Variants in TMEM62 observed in about 807,000 individuals in gnomAD.
The protein encoded by TMEM62 is transmembrane protein 62.
TMEM62 carries 41 observed loss-of-function variants against 70.4 expected under a neutral mutation model. The observed-to-expected ratio is 0.58, with a 90% confidence interval of 0.45 to 0.76. The LOEUF (loss-of-function observed/expected upper bound fraction) is 0.76, where lower values mean the gene tolerates loss of function less well. Ranked by LOEUF, TMEM62 falls within the 30% of genes least tolerant of loss-of-function variation. TMEM62 has a pLI of 0.00. For missense variants in TMEM62, 688 were observed against 788.5 expected, an observed-to-expected ratio of 0.87 and a Z score of 1.53; for synonymous variants, 268 against 291.0, an observed-to-expected ratio of 0.92 and a Z score of 0.80.
intron 8 of TMEM62, among the ~76,000 whole-genome samples, chr15:43,153,215 CTT>C (rs559495777): frequency 3.3e-3 from 498 of 150,816 alleles, no homozygotes; most frequent in African/African-American, 0.012. Flanking sequence ...TGCTCAATCC[CTT>C]TTTTTTTGGA....
intron 4 of TMEM62, among the ~76,000 whole-genome samples, chr15:43,145,457 G>A (rs1471819813): frequency 6.6e-6 from 1 of 151,964 alleles, no homozygotes; most frequent in South Asian, 2.1e-4. Flanking sequence ...CGCCTACCTC[G>A]GCCTTCCAAA....
At chr15:43,150,854 C>T (rs2037277195) in intron 7 of TMEM62, among the ~76,000 whole-genome samples, 1 of 152,188 alleles carries the variant, frequency 6.6e-6, no homozygotes, top group African/African-American at 2.4e-5. Context: ...AACCTGATAC[C>T]AGGAGACTGG....
intron 3 of TMEM62, 23 bp from the exon 4 acceptor site, chr15:43,138,551 C>CT (rs376908713): frequency 0.044 from 55,737 of 1,276,028 alleles, 20 homozygotes; most frequent in Non-Finnish European, 0.047. Context: ...TGAATGTTTG[C>CT]TTTTTTTTTT....
intron 11 of TMEM62, among the ~76,000 whole-genome samples, chr15:43,172,946 G>A (rs1260410719): frequency 6.6e-6 from 1 of 152,126 alleles, no homozygotes; most frequent in Non-Finnish European, 1.5e-5. Flanking sequence ...CATTAATTCA[G>A]GCCAGGTGCA....
chr15:43,178,825 T>C, intron 12 of TMEM62, 114 bp downstream of exon 12: 1 of 559,838 alleles, frequency 1.8e-6, no homozygotes, highest in Non-Finnish European at 3.0e-6. Flanking sequence ...TCTTCATAAA[T>C]CATTTTCTGG....
chr15:43,160,517 C>G (rs959257284), intron 9 of TMEM62, 164 bp from the exon 10 acceptor site: 5 of 558,746 alleles, frequency 8.9e-6, no homozygotes, highest in Non-Finnish European at 1.6e-5. Context: ...TGCACGCCAG[C>G]CTGGACAACA....
chr15:43,170,982 C>T lies in TMEM62; in HGVS notation c.1381+1305C>T, dbSNP rs933176258. Reference sequence around the variant, plus strand: ...AAACACTGGCCTATAAACTCTAAAGCTGCAGTTCAGAAGATGCTTGAAAAT... The same window carrying T: ...AAACACTGGCCTATAAACTCTAAAGTTGCAGTTCAGAAGATGCTTGAAAAT... On this transcript the variant is annotated intron_variant, in intron 11 of 13. Coordinates refer to ENST00000260403, the MANE Select transcript of TMEM62 (RefSeq NM_024956.4). Among the ~76,000 whole-genome samples the T allele has an allele frequency of 2.0e-5, 3 of 152,306 alleles. No individual in the cohort carries two copies. In the East Asian group the frequency reaches 5.8e-4, roughly 29 times the overall value.
At chr15:43,175,336 C>A (rs2040611004) in intron 11 of TMEM62, among the ~76,000 whole-genome samples, 1 of 152,310 alleles carries the variant, frequency 6.6e-6, no homozygotes, top group East Asian at 1.9e-4. Context: ...AATGAATGTG[C>A]TGGTCTTTTA....
chr15:43,135,346 T>C (rs1277240571), intron 2 of TMEM62, among the ~76,000 whole-genome samples, 166 bp from the exon 3 acceptor site: 1 of 152,214 alleles, frequency 6.6e-6, no homozygotes, highest in Non-Finnish European at 1.5e-5. Context: ...GAAAATCTTG[T>C]TAGTTTAGAT....
At chr15:43,174,270 G>C (rs996913160) in intron 11 of TMEM62, among the ~76,000 whole-genome samples, 34 of 152,168 alleles carry the variant, frequency 2.2e-4, no homozygotes, top group African/African-American at 7.7e-4. Flanking sequence ...AAATTTTCCT[G>C]ATCCCTTCTT....
chr15:43,180,182 G>A (rs1419680762), intron 12 of TMEM62, among the ~76,000 whole-genome samples: 1 of 152,038 alleles, frequency 6.6e-6, no homozygotes. Context: ...GAGTACAGTG[G>A]TGCAATCTTG....
intron 11 of TMEM62, among the ~76,000 whole-genome samples, chr15:43,170,297 A>C (rs2040049626): frequency 1.3e-5 from 2 of 152,188 alleles, no homozygotes; most frequent in Non-Finnish European, 2.9e-5. Flanking sequence ...GTGGCTGAGA[A>C]CTCAATTTTT....
At chr15:43,138,367 A>G (rs1408173243) in intron 3 of TMEM62, among the ~76,000 whole-genome samples, 1 of 152,066 alleles carries the variant, frequency 6.6e-6, no homozygotes, top group Non-Finnish European at 1.5e-5. Context: ...ACTGAAACCC[A>G]TGGCAATAAT....
chr15:43,134,947 T>G (rs1454278174), intron 2 of TMEM62, among the ~76,000 whole-genome samples: 2 of 152,186 alleles, frequency 1.3e-5, no homozygotes, highest in Non-Finnish European at 1.5e-5. Flanking sequence ...AATTCATCAC[T>G]CATCCACCTT....
intron 9 of TMEM62, among the ~76,000 whole-genome samples, chr15:43,156,503 G>T (rs1158291252): frequency 6.6e-6 from 1 of 152,108 alleles, no homozygotes; most frequent in Non-Finnish European, 1.5e-5. Context: ...GAGACTTGAA[G>T]GTTCATGTGC....
chr15:43,169,803 C>T, intron 11 of TMEM62, 126 bp downstream of exon 11: 1 of 735,294 alleles, frequency 1.4e-6, no homozygotes, highest in Non-Finnish European at 2.2e-6. Flanking sequence ...AACACAAACT[C>T]AAGAAGCCTT....
At chr15:43,173,312 C>T (rs1234617843) in intron 11 of TMEM62, among the ~76,000 whole-genome samples, 1 of 152,238 alleles carries the variant, frequency 6.6e-6, no homozygotes, top group Non-Finnish European at 1.5e-5. Flanking sequence ...CTAACTGCTG[C>T]TCTTATATCC....
rs1225270437 is a variant in TMEM62, at chr15:43,133,831, T to TCGCGGGGTTGGCGGC, written c.33_47dup (p.Gly12_Ala16dup). 7 of 1,453,810 alleles carry TCGCGGGGTTGGCGGC rather than the reference T, an allele frequency of 4.8e-6. No individual in the cohort carries two copies. The Admixed American group carries it at 1.0e-4, about 21-fold the overall frequency. 90.1% of individuals were successfully genotyped at this position (1,453,810 alleles called of 1,614,324 possible). On this transcript the variant is annotated inframe_insertion, in exon 1 of 14. Coordinates refer to ENST00000260403, the MANE Select transcript of TMEM62 (RefSeq NM_024956.4). Reference sequence around the variant, plus strand: ...GCTGCAGTGCTGGCTCTCAGGGTGGTCGCGGGGTTGGCGGCCGCAGCGCTG... The same window carrying TCGCGGGGTTGGCGGC: ...GCTGCAGTGCTGGCTCTCAGGGTGGTCGCGGGGTTGGCGGCCGCGGGGTTGGCGGCCGCAGCGCTG...
chr15:43,184,561 A>G lies in TMEM62; in HGVS notation c.1907A>G (p.Gln636Arg). 1 of 1,611,202 alleles carries G rather than the reference A, an allele frequency of 6.2e-7. No homozygotes were observed. Among genetic ancestry groups the G allele is most frequent in the Non-Finnish European group, 8.5e-7 (1 of 1,180,002 alleles). ...ACCAAGTTTGGAATCTTCATGGTGC[A>G]GTTAAAAAGCCACCTGAGCTCCTGA... ...NSTKFGIFMV[Q>R]LKSHLSS The change falls in exon 14 of 14, where the codon CAG (glutamine) becomes CGG (arginine). Residue 636 changes from glutamine (Q) to arginine (R), a missense_variant. Coordinates refer to ENST00000260403, the MANE Select transcript of TMEM62 (RefSeq NM_024956.4).
Sources: allele counts gnomAD v4.1 joint callset (sites outside exome capture counted in the v4.1 genomes callset), GRCh38; gene constraint gnomAD v4.1.1; transcripts MANE v1.5; gene names NCBI Gene and HGNC (gene_info 2026-07-23, HGNC 2026-07-21).